Variants in ADGRV1 observed in about 807,000 individuals in gnomAD.
The protein encoded by ADGRV1 is adhesion G protein-coupled receptor V1.
Under a neutral mutation model 596.2 loss-of-function variants are expected in ADGRV1, and 359 were observed. That is an observed-to-expected ratio of 0.60 (90% CI 0.55 to 0.66). The LOEUF (loss-of-function observed/expected upper bound fraction) is 0.66, where lower values mean the gene tolerates loss of function less well. Ranked by LOEUF, ADGRV1 falls within the 30% of genes least tolerant of loss-of-function variation. The pLI, the probability that ADGRV1 is intolerant of heterozygous loss-of-function variation, is 0.00. For missense variants in ADGRV1, 7,274 were observed against 7,575.6 expected (o/e 0.96, Z 1.48); for synonymous variants, 2,681 against 2,679.2 (o/e 1.00, Z -0.02).
At chr5:90,768,916 C>G (rs1406646176) in intron 59 of ADGRV1, among the ~76,000 whole-genome samples, 1 of 152,134 alleles carries the variant, frequency 6.6e-6, no homozygotes, top group Admixed American at 6.6e-5. Context: ...GAAGGCAAAG[C>G]ATGAGGCAGT....
At chr5:91,073,149 C>A (rs556897358) in intron 86 of ADGRV1, among the ~76,000 whole-genome samples, 2 of 152,240 alleles carry the variant, frequency 1.3e-5, no homozygotes, top group South Asian at 4.2e-4. Context: ...TGAATCATAC[C>A]TAACAGAGGT....
intron 83 of ADGRV1, among the ~76,000 whole-genome samples, chr5:90,907,469 C>T (rs943176685): frequency 6.6e-6 from 1 of 152,100 alleles, no homozygotes; most frequent in African/African-American, 2.4e-5. Context: ...TGCTTTAGTA[C>T]CAGGCCACAT....
At chr5:90,831,315 G>C (rs181859838) in intron 77 of ADGRV1, among the ~76,000 whole-genome samples, 1 of 144,600 alleles carries the variant, frequency 6.9e-6, no homozygotes, top group Admixed American at 6.9e-5. Context: ...ATAAGTACAC[G>C]CACACACACA....
At chr5:91,014,136 C>CCACACACACACAGACACA (rs1554196347) in intron 85 of ADGRV1, among the ~76,000 whole-genome samples, 3 of 35,638 alleles carry the variant, frequency 8.4e-5, no homozygotes, top group Non-Finnish European at 1.9e-4. Flanking sequence ...TTCACAATTG[C>CCACACACACACAGACACA]CACACACACA....
At chr5:90,630,997 T>G (rs1765427297) in intron 9 of ADGRV1, among the ~76,000 whole-genome samples, 1 of 152,230 alleles carries the variant, frequency 6.6e-6, no homozygotes, top group African/African-American at 2.4e-5. Flanking sequence ...GTAGTATATC[T>G]ACCCTCAAAC....
chr5:91,135,768 T>C (rs1794577235), intron 87 of ADGRV1, among the ~76,000 whole-genome samples: 1 of 152,148 alleles, frequency 6.6e-6, no homozygotes, highest in South Asian at 2.1e-4. Context: ...TTTTCTTGCT[T>C]AGAGAAGTTG....
chr5:91,068,424 G>A (rs558081460), intron 85 of ADGRV1, among the ~76,000 whole-genome samples: 4 of 151,412 alleles, frequency 2.6e-5, no homozygotes, highest in Admixed American at 1.3e-4. Flanking sequence ...AGCCGAGATC[G>A]CACCACTGCA....
chr5:90,808,044 A>C (rs1348731899), intron 73 of ADGRV1, among the ~76,000 whole-genome samples: 1 of 152,246 alleles, frequency 6.6e-6, no homozygotes, highest in African/African-American at 2.4e-5. Flanking sequence ...TGAGAAGCTG[A>C]AAATACCTGA....
chr5:90,777,891 G>A lies in ADGRV1; in HGVS notation c.12528-14G>A. The A allele has an allele frequency of 6.3e-7, 1 of 1,595,764 alleles. No homozygotes were observed. The highest frequency in any genetic ancestry group is 2.3e-5 in the East Asian group (1 of 44,398). On this transcript the variant is annotated splice_polypyrimidine_tract_variant and intron_variant, in intron 61 of 89. Transcript: ENST00000405460. ...ACTGAAATGTATTGGATATACATTTGTTTATTGTTGTAGCCTTGTTCGAGG... is the reference window on the plus strand; with the variant it reads ...ACTGAAATGTATTGGATATACATTTATTTATTGTTGTAGCCTTGTTCGAGG...
chr5:90,780,475 C>T (rs1019964626), intron 64 of ADGRV1, among the ~76,000 whole-genome samples: 2 of 152,062 alleles, frequency 1.3e-5, no homozygotes, highest in Admixed American at 6.6e-5. Flanking sequence ...AATGGTTTAT[C>T]GGCATTTTTT....
intron 87 of ADGRV1, among the ~76,000 whole-genome samples, chr5:91,140,957 A>C (rs561288653): frequency 2.6e-5 from 4 of 152,328 alleles, no homozygotes; most frequent in African/African-American, 9.6e-5. Context: ...AAATGAGATT[A>C]CTGAAGCATG....
At chr5:90,672,442 G>A (rs920665664) in intron 21 of ADGRV1, 104 bp from the exon 22 acceptor site, 7 of 869,458 alleles carry the variant, frequency 8.1e-6, no homozygotes, top group Admixed American at 2.5e-5. Context: ...GAGGTAGAAA[G>A]TTGTAGAATT....
At chr5:90,998,484 C>A (rs772722397) in intron 85 of ADGRV1, among the ~76,000 whole-genome samples, 1 of 151,950 alleles carries the variant, frequency 6.6e-6, no homozygotes, top group Non-Finnish European at 1.5e-5. Flanking sequence ...GTATGTAATA[C>A]CCATTACATT....
Position 90,619,257 on chromosome 5 carries a change from G to A in ADGRV1, c.453+76G>A, listed in dbSNP as rs574668847. ...AATTTTAAAAATTAGTTTTCATGAT[G>A]TTAGCTAGTATCATGCTGTGTTTTG... On this transcript the variant is annotated intron_variant, in intron 4 of 89. Transcript: ENST00000405460. The A allele has an allele frequency of 5.6e-4, 365 of 646,566 alleles. 3 individuals carry two copies. In the South Asian group the frequency reaches 9.2e-3, roughly 16 times the overall value. The allele number at this position is 646,566 out of a possible 1,614,324, so 40.1% of individuals were successfully genotyped here. A position where few individuals can be genotyped will look rare whatever the true frequency, so the allele number is the denominator to read the frequency against.
intron 50 of ADGRV1, among the ~76,000 whole-genome samples, chr5:90,737,704 G>GT (rs1353904491): frequency 6.6e-6 from 1 of 151,824 alleles, no homozygotes; most frequent in African/African-American, 2.4e-5. Flanking sequence ...CCTTTTTATA[G>GT]TTTTTTACTT....
chr5:91,141,290 G>A (rs1795075878), intron 87 of ADGRV1, among the ~76,000 whole-genome samples: 2 of 152,166 alleles, frequency 1.3e-5, no homozygotes, highest in African/African-American at 4.8e-5. Context: ...TTTGAATAGT[G>A]TCCCCTAAAT....
intron 85 of ADGRV1, among the ~76,000 whole-genome samples, chr5:91,010,499 C>T (rs142078041): frequency 6.6e-6 from 1 of 151,966 alleles, no homozygotes; most frequent in African/African-American, 2.4e-5. Flanking sequence ...ATATCAAGTT[C>T]TCATTTATTT....
intron 82 of ADGRV1, among the ~76,000 whole-genome samples, chr5:90,856,608 C>G (rs182987870): frequency 2.6e-5 from 4 of 152,192 alleles, no homozygotes; most frequent in African/African-American, 7.2e-5. Context: ...TCTTTCAGCC[C>G]CACAACTTTT....
chr5:91,083,236 T>C (rs1300952241), intron 86 of ADGRV1, among the ~76,000 whole-genome samples: 2 of 136,042 alleles, frequency 1.5e-5, no homozygotes, highest in African/African-American at 5.6e-5. Context: ...CACTGGGGCC[T>C]GTCATGGGGT....
Sources: gnomAD v4.1 joint callset for allele counts (sites outside exome capture counted in the v4.1 genomes callset) on GRCh38, gnomAD v4.1.1 for gene constraint, MANE v1.5 for transcripts, NCBI Gene and HGNC (gene_info 2026-07-23, HGNC 2026-07-21) for gene names.